Variants in DYNC1I1 observed in about 807,000 individuals in gnomAD.
The protein encoded by DYNC1I1 is dynein cytoplasmic 1 intermediate chain 1.
A neutral mutation model predicts 86.6 loss-of-function variants in DYNC1I1; 43 were observed. The ratio of observed to expected loss-of-function variants is 0.50; its 90% CI spans 0.39 to 0.64. The LOEUF (loss-of-function observed/expected upper bound fraction) is 0.64, where lower values mean the gene tolerates loss of function less well. Ranked by LOEUF, DYNC1I1 falls within the 30% of genes least tolerant of loss-of-function variation. The pLI is 0.00. For missense variants in DYNC1I1, 604 were observed against 788.8 expected, an observed-to-expected ratio of 0.77 and a Z score of 2.81; for synonymous variants, 262 against 283.7, an observed-to-expected ratio of 0.92 and a Z score of 0.77.
chr7:95,881,723 G>A (rs1790460288), intron 6 of DYNC1I1, among the ~76,000 whole-genome samples: 1 of 152,228 alleles, frequency 6.6e-6, no homozygotes, highest in African/African-American at 2.4e-5. Context: ...CTCAAAGCAA[G>A]TGAGAATAAC....
chr7:96,042,634 T>C (rs985009720), intron 14 of DYNC1I1, among the ~76,000 whole-genome samples: 1 of 152,152 alleles, frequency 6.6e-6, no homozygotes, highest in Non-Finnish European at 1.5e-5. Flanking sequence ...CCAGACAACA[T>C]CAATAAGAGT....
chr7:95,963,412 C>T (rs573622475), intron 6 of DYNC1I1, among the ~76,000 whole-genome samples: 6 of 152,142 alleles, frequency 3.9e-5, no homozygotes, highest in African/African-American at 9.6e-5. Flanking sequence ...CAATATACCG[C>T]GTTTTGAAGA....
At chr7:95,822,032 G>A (rs1161011170) in intron 4 of DYNC1I1, among the ~76,000 whole-genome samples, 2 of 152,192 alleles carry the variant, frequency 1.3e-5, no homozygotes, top group African/African-American at 4.8e-5. Context: ...ATGGAAAGAA[G>A]AATGGAAACC....
At chr7:95,808,604 C>T (rs920045464) in intron 2 of DYNC1I1, among the ~76,000 whole-genome samples, 4 of 152,160 alleles carry the variant, frequency 2.6e-5, no homozygotes, top group Non-Finnish European at 4.4e-5. Flanking sequence ...TCCTTGGCTT[C>T]CTGCCGAATT....
At chr7:95,946,026 A>G (rs1231387464) in intron 6 of DYNC1I1, among the ~76,000 whole-genome samples, 1 of 152,160 alleles carries the variant, frequency 6.6e-6, no homozygotes, top group Non-Finnish European at 1.5e-5. Context: ...GCTGGAAGCC[A>G]TTATCCTCAC....
At chr7:95,912,814 T>C (rs991321909) in intron 6 of DYNC1I1, among the ~76,000 whole-genome samples, 2 of 152,178 alleles carry the variant, frequency 1.3e-5, no homozygotes, top group African/African-American at 4.8e-5. Context: ...TGAATCAGCT[T>C]CTAAACAGTG....
chr7:96,109,876 G>A (rs760612561), intron 16 of DYNC1I1: 1 of 208,406 alleles, frequency 4.8e-6, no homozygotes, highest in Non-Finnish European at 9.9e-6. Flanking sequence ...AGGGTGGAGT[G>A]TTCTAAAAAT....
intron 6 of DYNC1I1, among the ~76,000 whole-genome samples, chr7:95,953,938 C>T (rs531884688): frequency 5.9e-5 from 9 of 152,234 alleles, no homozygotes; most frequent in East Asian, 5.8e-4. Context: ...TTTGACCAGA[C>T]GGCCCTGACT....
intron 14 of DYNC1I1, among the ~76,000 whole-genome samples, chr7:96,068,920 G>A (rs1472880100): frequency 1.3e-5 from 2 of 152,162 alleles, no homozygotes; most frequent in Admixed American, 6.5e-5. Context: ...TTATCCACTA[G>A]TAAAATGTGG....
chr7:96,020,944 A>G (rs1361939223), intron 10 of DYNC1I1, among the ~76,000 whole-genome samples: 2 of 152,240 alleles, frequency 1.3e-5, no homozygotes, highest in African/African-American at 2.4e-5. Context: ...CAAGTAGTCA[A>G]ATTTGTAGAG....
intron 9 of DYNC1I1, among the ~76,000 whole-genome samples, chr7:95,995,665 T>C (rs1216816368): frequency 1.4e-4 from 21 of 152,048 alleles, no homozygotes; most frequent in Admixed American, 1.4e-3. Context: ...TGGAAGCCAA[T>C]ACAGGAGAGG....
intron 6 of DYNC1I1, among the ~76,000 whole-genome samples, chr7:95,912,007 T>A (rs776910739): frequency 1.6e-4 from 25 of 152,148 alleles, no homozygotes; most frequent in South Asian, 2.1e-4. Context: ...TAAGGCTGCT[T>A]GTTTAGCACT....
chr7:96,060,277 T>TC (rs1403771719), intron 14 of DYNC1I1, among the ~76,000 whole-genome samples: 1 of 152,004 alleles, frequency 6.6e-6, no homozygotes, highest in East Asian at 1.9e-4. Context: ...TGTGGTCTCT[T>TC]CCCCCAAGTC....
chr7:95,988,055 C>A (rs1376794699), intron 9 of DYNC1I1, among the ~76,000 whole-genome samples: 1 of 152,174 alleles, frequency 6.6e-6, no homozygotes, highest in Non-Finnish European at 1.5e-5. Flanking sequence ...CTGGAGAAAT[C>A]TACCCAAACA....
At chr7:95,982,360 A>G (rs1793478772) in intron 7 of DYNC1I1, among the ~76,000 whole-genome samples, 1 of 152,134 alleles carries the variant, frequency 6.6e-6, no homozygotes, top group African/African-American at 2.4e-5. Flanking sequence ...GTCAATCATA[A>G]TATCTGGAGA....
chr7:95,992,797 T>A (rs1793764148), intron 9 of DYNC1I1, among the ~76,000 whole-genome samples: 1 of 152,078 alleles, frequency 6.6e-6, no homozygotes, highest in African/African-American at 2.4e-5. Context: ...GTATTTTTAG[T>A]AGAGAAGGGG....
chr7:96,062,066 T>C (rs755300356), intron 14 of DYNC1I1, among the ~76,000 whole-genome samples: 1 of 152,178 alleles, frequency 6.6e-6, no homozygotes, highest in Non-Finnish European at 1.5e-5. Flanking sequence ...AGAGAGAGGG[T>C]GGAGCGGTCT....
At chr7:95,791,895 G>A (rs937576302) in intron 1 of DYNC1I1, among the ~76,000 whole-genome samples, 11 of 152,160 alleles carry the variant, frequency 7.2e-5, no homozygotes, top group Non-Finnish European at 1.3e-4. Flanking sequence ...ACTCTCCCCC[G>A]CCATTCCCTA....
At chr7:95,928,295 GTAT>G (rs1421627039) in intron 6 of DYNC1I1, among the ~76,000 whole-genome samples, 4 of 152,238 alleles carry the variant, frequency 2.6e-5, no homozygotes, top group Non-Finnish European at 4.4e-5. Context: ...CCTCCTCCAG[GTAT>G]TTTCTCAATA....
Sources: gnomAD v4.1 joint callset for allele counts (sites outside exome capture counted in the v4.1 genomes callset) on GRCh38, gnomAD v4.1.1 for gene constraint, MANE v1.5 for transcripts, NCBI Gene and HGNC (gene_info 2026-07-23, HGNC 2026-07-21) for gene names.